The following MTIF3 variants were observed in gnomAD, a reference collection of about 807,000 sequenced individuals.
The protein encoded by MTIF3 is translation initiation factor IF-3, mitochondrial.
In MTIF3, 13 loss-of-function variants were observed where a neutral mutation model predicts 20.7. The observed-to-expected ratio is 0.63, with a 90% CI of 0.41 to 1.00. MTIF3 has a LOEUF of 1.00. Ranked by LOEUF, MTIF3 falls within the 50% of genes least tolerant of loss-of-function variation. The pLI, the probability that MTIF3 is intolerant of heterozygous loss-of-function variation, is 0.00. For missense variants in MTIF3, 295 were observed against 324.5 expected (o/e 0.91, Z 0.70); for synonymous variants, 114 against 112.5 (o/e 1.01, Z -0.08).
Position 27,440,155 on chromosome 13 carries a change from T to A in MTIF3, c.294A>T (p.Gly98=). 1 of 1,614,234 alleles carries A rather than the reference T, an allele frequency of 6.2e-7. No individual in the cohort carries two copies. The highest frequency in any genetic ancestry group is 8.5e-7 in the Non-Finnish European group (1 of 1,180,044). Reference sequence around the variant, plus strand: ...TAATCACATTTGCTCGGTGCATGTTTCCCAAATCATTGCCCTTCTCATCAA... The same window carrying A: ...TAATCACATTTGCTCGGTGCATGTTACCCAAATCATTGCCCTTCTCATCAA... ...HLFDEKGNDL[G]NMHRANVIRL... Residue 98 remains glycine (G), a synonymous_variant, in exon 3 of 5, where the codon GGA becomes GGT. Coordinates refer to ENST00000381120, the MANE Select transcript of MTIF3 (RefSeq NM_152912.5).
chr13:27,435,961 T>A, intron 4 of MTIF3, 68 bp from the exon 5 acceptor site: 2 of 1,334,420 alleles, frequency 1.5e-6, no homozygotes, highest in Non-Finnish European at 2.1e-6. Context: ...ATGTTCTGCT[T>A]GAACATTCAC....
chr13:27,446,635 A>C (rs921027670), intron 1 of MTIF3, among the ~76,000 whole-genome samples: 15 of 152,226 alleles, frequency 9.9e-5, no homozygotes, highest in African/African-American at 3.6e-4. Context: ...TTTCACTGTA[A>C]TTTAATACAT....
intron 1 of MTIF3, among the ~76,000 whole-genome samples, chr13:27,447,829 G>T (rs1219508014): frequency 4.6e-5 from 7 of 152,234 alleles, no homozygotes; most frequent in East Asian, 1.9e-4. Flanking sequence ...CACGTTGTAC[G>T]GATCATTACC....
intron 1 of MTIF3, among the ~76,000 whole-genome samples, chr13:27,448,155 C>T (rs376394015): frequency 1.2e-4 from 18 of 149,462 alleles, no homozygotes; most frequent in African/African-American, 4.2e-4. Flanking sequence ...GGTGGGTGGG[C>T]ATTCTCGTCC....
rs140262959 is a variant in MTIF3, at chr13:27,440,036, T to G, written c.413A>C (p.Gln138Pro). 15 of 1,614,124 alleles carry G rather than the reference T, an allele frequency of 9.3e-6. No individual in the cohort carries two copies. The highest frequency in any genetic ancestry group is 1.3e-5 in the Non-Finnish European group (15 of 1,180,044). ...CATCTCCCTCAGCCTCTGCCGCTCC[T>G]GGAGGATCTGCAATCCTGTCATGAG... is the stretch of plus-strand genomic sequence containing the variant. ...YQLMTGLQILQERQRLREMEK... is the reference protein window; with the variant it reads ...YQLMTGLQILPERQRLREMEK... Residue 138 changes from glutamine to proline, a missense_variant, in exon 3 of 5, where the codon CAG becomes CCG. Gln to Pro is a moderately conservative substitution (Grantham distance 76). Coordinates refer to ENST00000381120, the MANE Select transcript of MTIF3 (RefSeq NM_152912.5).
intron 2 of MTIF3, among the ~76,000 whole-genome samples, chr13:27,443,036 G>C (rs1218289824): frequency 2.0e-5 from 3 of 152,220 alleles, no homozygotes. Flanking sequence ...AGCTATGGCA[G>C]GGCTGCTGGC....
At chr13:27,436,205 C>T (rs1019758620) in intron 4 of MTIF3, among the ~76,000 whole-genome samples, 1 of 152,184 alleles carries the variant, frequency 6.6e-6, no homozygotes, top group African/African-American at 2.4e-5. Flanking sequence ...TGGCAAAATA[C>T]CTCCTCATCC....
intron 3 of MTIF3, among the ~76,000 whole-genome samples, chr13:27,437,855 C>T (rs1193849005): frequency 1.3e-5 from 2 of 152,000 alleles, no homozygotes; most frequent in Admixed American, 1.3e-4. Context: ...GTGAAAAATA[C>T]AACTTTAAAA....
chr13:27,437,306 T>C (rs1301864329), intron 3 of MTIF3, 33 bp from the exon 4 acceptor site: 69 of 1,598,204 alleles, frequency 4.3e-5, no homozygotes, highest in Non-Finnish European at 5.7e-5. Context: ...CAAGGACTAC[T>C]GACTAGTCCA....
chr13:27,437,126 T>C lies in MTIF3; in HGVS notation c.608A>G (p.Glu203Gly). Residue 203 changes from glutamate to glycine, a missense_variant, in exon 4 of 5, where the codon GAA (glutamate) becomes GGA (glycine). Physicochemically the swap from Glu to Gly is moderately conservative, Grantham distance 98. Coordinates refer to ENST00000381120, the MANE Select transcript of MTIF3 (RefSeq NM_152912.5). ...ACCTTCTTTACTTACCATTTCATTT[T>C]CTGACACGTCTACATTTTTTCCTTT... ...IKKGKNVDVS[E>G]NEMEEIFHQI... The C allele has an allele frequency of 6.2e-7, 1 of 1,613,580 alleles. No individual in the cohort carries two copies. The highest frequency in any genetic ancestry group is 8.5e-7 in the Non-Finnish European group (1 of 1,179,840).
At position 27,440,082 on chromosome 13, in the gene MTIF3, T is replaced by C; in HGVS notation, c.367A>G (p.Thr123Ala). The C allele has an allele frequency of 6.2e-7, 1 of 1,614,210 alleles. No individual in the cohort carries two copies. Among genetic ancestry groups the C allele is most frequent in the Non-Finnish European group, 8.5e-7 (1 of 1,180,026 alleles). The change falls in exon 3 of 5, where the codon ACA becomes GCA. Residue 123 changes from threonine (T) to alanine (A), a missense_variant. Transcript: ENST00000381120. Reference protein sequence around the residue: ...DLRLVQRNTSTEPAEYQLMTG... With the variant: ...DLRLVQRNTSAEPAEYQLMTG... ...ATGAGCTGATACTCTGCAGGTTCTG[T>C]GCTGGTGTTCCTTTGAACCAGTCGC...
At position 27,437,031 on chromosome 13, in the gene MTIF3, G is replaced by A. The variant is rs568741952; in HGVS notation, c.618+85C>T. ...CTCCCAAAATGCTGGGATTACAGGC[G>A]TGAGCCACCGCGCCTGGCCTACAAT... is the stretch of plus-strand genomic sequence containing the variant. On this transcript the variant is annotated intron_variant, in intron 4 of 4. Transcript: ENST00000381120. The A allele has an allele frequency of 5.8e-5, 83 of 1,432,258 alleles. No individual in the cohort carries two copies. The African/African-American group carries it at 6.5e-4, about 11-fold the overall frequency. The allele number at this position is 1,432,258 out of a possible 1,614,324, so 88.7% of individuals were successfully genotyped here.
intron 3 of MTIF3, among the ~76,000 whole-genome samples, chr13:27,439,427 C>T (rs553932535): frequency 5.0e-4 from 76 of 152,254 alleles, no homozygotes; most frequent in Middle Eastern, 3.4e-3. Flanking sequence ...GCCTGGGAGG[C>T]GAAGGTTGCA....
At chr13:27,448,724 G>A (rs1335975842) in intron 1 of MTIF3, among the ~76,000 whole-genome samples, 1 of 152,196 alleles carries the variant, frequency 6.6e-6, no homozygotes, top group African/African-American at 2.4e-5. Context: ...TAAACCCAGA[G>A]CTAAAGACTC....
At position 27,440,246 on chromosome 13, in the gene MTIF3, G is replaced by A. The variant is rs17857314; in HGVS notation, c.203C>T (p.Thr68Ile). ...AEDTQNEGKKTKKNKTAFSNV... is the reference protein window; with the variant it reads ...AEDTQNEGKKIKKNKTAFSNV... ...ACTAAAAGCTGTTTTATTCTTTTTT[G>A]TCTTTTTTCCTTCATTCTGGGTGTC... Residue 68 changes from threonine to isoleucine, a missense_variant, in exon 3 of 5, where the codon ACA becomes ATA. Coordinates refer to ENST00000381120, the MANE Select transcript of MTIF3 (RefSeq NM_152912.5). 8.0e-4 allele frequency: 1,297 copies of A among 1,613,864 alleles called. 11 individuals are homozygous for A. The African/African-American group carries it at 0.015, about 19-fold the overall frequency.
chr13:27,440,608 T>C (rs113238693), intron 2 of MTIF3, 159 bp from the exon 3 acceptor site: 7 of 633,474 alleles, frequency 1.1e-5, no homozygotes. Context: ...ACACAGGAAG[T>C]CTACACTGAT....
intron 1 of MTIF3, among the ~76,000 whole-genome samples, chr13:27,448,155 C>A (rs376394015): frequency 6.7e-6 from 1 of 149,460 alleles, no homozygotes; most frequent in Non-Finnish European, 1.5e-5. Flanking sequence ...GGTGGGTGGG[C>A]ATTCTCGTCC....
chr13:27,438,268 G>A (rs923348412), intron 3 of MTIF3, among the ~76,000 whole-genome samples: 4 of 133,078 alleles, frequency 3.0e-5, no homozygotes, highest in African/African-American at 5.6e-5. Context: ...CAGGCAGATC[G>A]TTGGAGCTCA....
chr13:27,439,906 C>T, intron 3 of MTIF3, 83 bp downstream of exon 3: 1 of 1,214,040 alleles, frequency 8.2e-7, no homozygotes. Context: ...CCTCTTGTCA[C>T]AGGCACCTTG....
Sources: allele counts gnomAD v4.1 joint callset (sites outside exome capture counted in the v4.1 genomes callset), GRCh38; gene constraint gnomAD v4.1.1; transcripts MANE v1.5; gene names NCBI Gene and HGNC (gene_info 2026-07-23, HGNC 2026-07-21).